HAGH: variants seen among roughly 807,000 people sequenced by gnomAD.
The protein encoded by HAGH is hydroxyacylglutathione hydrolase, mitochondrial.
In HAGH, 29 loss-of-function variants were observed where a neutral mutation model predicts 35.1. The observed-to-expected ratio is 0.83, with a 90% CI of 0.62 to 1.13. The LOEUF (loss-of-function observed/expected upper bound fraction) is 1.13. HAGH is among the 50% of genes most tolerant of loss of function. The probability of loss-of-function intolerance (pLI) is 0.00; values close to 1 mark genes in which losing one functional copy is unlikely to be tolerated. For synonymous variants in HAGH, 225 were observed against 176.1 expected (o/e 1.28, Z -2.20); for missense variants, 478 against 419.6 (o/e 1.14, Z -1.22).
Position 1,817,080 on chromosome 16 carries a change from G to A in HAGH, c.646-86C>T, listed in dbSNP as rs990242214. On this transcript the variant is annotated intron_variant, in intron 6 of 8. Coordinates refer to ENST00000397356, the MANE Select transcript of HAGH (RefSeq NM_005326.6). ...GACGGGACCTGGATGCCCCCGGGGG[G>A]TGTCCGGTGAGAGGGTGCCAGGAGG... The A allele has an allele frequency of 1.3e-5, 17 of 1,328,964 alleles. No homozygotes were observed. In the South Asian group the frequency reaches 1.5e-4, roughly 12 times the overall value. 82.3% of individuals were successfully genotyped at this position (1,328,964 alleles called of 1,614,324 possible).
At chr16:1,810,154 C>T (rs944375746) in intron 7 of HAGH, 6 of 224,492 alleles carry the variant, frequency 2.7e-5, no homozygotes, top group Admixed American at 1.5e-4. Flanking sequence ...AGCGACATCA[C>T]GTCTCAAAAA....
At chr16:1,826,374 C>A (rs1056232835) in intron 1 of HAGH, 2 of 188,488 alleles carry the variant, frequency 1.1e-5, no homozygotes, top group African/African-American at 2.4e-5. Flanking sequence ...CTGCCCGCTG[C>A]GCCTCAGAGC....
At position 1,816,881 on chromosome 16, in the gene HAGH, G is replaced by T. The variant is rs202245131; in HGVS notation, c.747+12C>A. On this transcript the variant is annotated intron_variant, in intron 7 of 8. Transcript: ENST00000397356. ...CCACAGGAAGGCACTGCGCAGTGACGGCCCCACTCACCTTGGCCCAGGCCA... is the reference window on the plus strand; with the variant it reads ...CCACAGGAAGGCACTGCGCAGTGACTGCCCCACTCACCTTGGCCCAGGCCA... 1 of 1,571,734 alleles carries T rather than the reference G, an allele frequency of 6.4e-7. No individual in the cohort carries two copies. The highest frequency in any genetic ancestry group is 2.2e-5 in the East Asian group (1 of 44,644).
At chr16:1,822,048 A>C (rs1567261812) in intron 3 of HAGH, 1 of 501,810 alleles carries the variant, frequency 2.0e-6, no homozygotes, top group Non-Finnish European at 3.6e-6. Context: ...GGCCCAGGAG[A>C]GAGCCGGGGG....
chr16:1,819,929 T>C lies in HAGH; in HGVS notation c.400A>G (p.Thr134Ala). The C allele has an allele frequency of 1.2e-6, 2 of 1,612,168 alleles. No homozygotes were observed. Among genetic ancestry groups the C allele is most frequent in the Non-Finnish European group, 1.7e-6 (2 of 1,178,586 alleles). ...YGGDDRIGAL[T>A]HKITHLSTLQ... ...GTGGACAGGTGAGTGATCTTGTGAG[T>C]CAGGGCCCCGATACGGTCGTCACCC... is the stretch of plus-strand genomic sequence containing the variant. The change falls in exon 4 of 9, where the codon ACT becomes GCT. Residue 134 changes from threonine (T) to alanine (A), a missense_variant. Physicochemically the swap from Thr to Ala is moderately conservative, Grantham distance 58 (BLOSUM62 0). Coordinates refer to ENST00000397356, the MANE Select transcript of HAGH (RefSeq NM_005326.6).
chr16:1,817,177 G>C lies in HAGH; in HGVS notation c.636C>G (p.Pro212=), dbSNP rs200712819. 3.1e-6 allele frequency: 5 copies of C among 1,606,590 alleles called. No homozygotes were observed. Among genetic ancestry groups the C allele is most frequent in the Non-Finnish European group, 3.4e-6 (4 of 1,173,284 alleles). ...KALLEVLGRL[P]PDTRVYCGHE... is the part of the protein sequence containing the mutation. Reference sequence around the variant, plus strand: ...GGGAGGCGCTGCCTACTGTGTCCGGGGGGAGCCGGCCCAAGACCTCCAGCA... The same window carrying C: ...GGGAGGCGCTGCCTACTGTGTCCGGCGGGAGCCGGCCCAAGACCTCCAGCA... The change falls in exon 6 of 9, where the codon CCC becomes CCG. Residue 212 remains proline, a synonymous_variant. Transcript: ENST00000397356.
chr16:1,815,738 G>A (rs898643796), intron 7 of HAGH, among the ~76,000 whole-genome samples: 3 of 152,110 alleles, frequency 2.0e-5, no homozygotes, highest in Non-Finnish European at 2.9e-5. Context: ...AGACACACGG[G>A]CCAGGTGACG....
rs1897554705 is a variant in HAGH at position 1,809,763 on chromosome 16, A to G, written c.818T>C (p.Met273Thr). 5.0e-6 allele frequency: 8 copies of G among 1,611,828 alleles called. No homozygotes were observed. Among genetic ancestry groups the G allele is most frequent in the Non-Finnish European group, 6.8e-6 (8 of 1,178,050 alleles). Residue 273 changes from methionine (M) to threonine (T), a missense_variant, in exon 8 of 9, where the codon ATG becomes ACG. By Grantham distance (81) the Met-to-Thr change is moderately conservative. Transcript: ENST00000397356. Reference protein sequence around the residue: ...LAEEFTYNPFMRVREKTVQQH... With the variant: ...LAEEFTYNPFTRVREKTVQQH... ...CTGCCCTGGGCCTCACCTCACTCTC[A>G]TGAAGGGGTTGTAGGTAAACTCCTC...
chr16:1,826,318 T>C (rs1423154489), intron 1 of HAGH, among the ~76,000 whole-genome samples: 8 of 150,542 alleles, frequency 5.3e-5, no homozygotes, highest in Non-Finnish European at 1.2e-4. Flanking sequence ...ACCGCGGTCC[T>C]TGCAGCGGGG....
intron 7 of HAGH, among the ~76,000 whole-genome samples, chr16:1,816,672 A>C (rs1361635168): frequency 6.6e-6 from 1 of 152,184 alleles, no homozygotes; most frequent in African/African-American, 2.4e-5. Context: ...CGCTTTTTAC[A>C]CACGCAGCGT....
intron 4 of HAGH, 97 bp from the exon 5 acceptor site, chr16:1,819,320 A>G: frequency 5.6e-6 from 4 of 710,280 alleles, no homozygotes; most frequent in South Asian, 3.6e-5. Flanking sequence ...GGGCCTCCTC[A>G]GCTCTGAGGG....
At chr16:1,821,157 G>T (rs1488616044) in intron 3 of HAGH, among the ~76,000 whole-genome samples, 1 of 152,168 alleles carries the variant, frequency 6.6e-6, no homozygotes, top group Non-Finnish European at 1.5e-5. Context: ...ACAAGGGCCA[G>T]GGAGGCTGCA....
chr16:1,815,669 G>A lies in HAGH; in HGVS notation c.747+1224C>T, dbSNP rs549578561. ...AGTTCCACATCTGGACTGTGGAGGG[G>A]ATTACACAAGTGCAAACATCATCAA... On this transcript the variant is annotated intron_variant, in intron 7 of 8. Transcript: ENST00000397356. 1.4e-4 allele frequency among the ~76,000 whole-genome samples: 22 copies of A among 152,294 alleles called. No homozygotes were observed. In the South Asian group the frequency reaches 4.6e-3, roughly 32 times the overall value.
At chr16:1,809,470 T>G (rs773848674) in intron 8 of HAGH, 88 bp from the exon 9 acceptor site, 1 of 1,079,166 alleles carries the variant, frequency 9.3e-7, no homozygotes, top group Non-Finnish European at 1.4e-6. Context: ...CGACTCGTGC[T>G]GGCCGAGCCC....
At chr16:1,809,868 T>G (rs780803427) in intron 7 of HAGH, 35 bp from the exon 8 acceptor site, 2 of 1,528,646 alleles carry the variant, frequency 1.3e-6, no homozygotes, top group East Asian at 2.2e-5. Flanking sequence ...TCACGGGAAC[T>G]TCACAGGATG....
chr16:1,810,032 G>A (rs904120179), intron 7 of HAGH, 199 bp from the exon 8 acceptor site: 1 of 579,020 alleles, frequency 1.7e-6, no homozygotes, highest in Admixed American at 2.9e-5. Context: ...AGGCATGGTG[G>A]CAGGCACCTG....
intron 7 of HAGH, 81 bp from the exon 8 acceptor site, chr16:1,809,914 A>T: frequency 8.6e-6 from 9 of 1,047,072 alleles, no homozygotes; most frequent in Non-Finnish European, 1.2e-5. Context: ...CTGTGATACC[A>T]GCACTTTGGG....
intron 2 of HAGH, 58 bp from the exon 3 acceptor site, chr16:1,822,422 G>A: frequency 1.1e-5 from 14 of 1,316,376 alleles, no homozygotes; most frequent in Non-Finnish European, 1.3e-5. Context: ...TGGCTTGCTG[G>A]CCTATATGGT....
intron 5 of HAGH, 120 bp from the exon 6 acceptor site, chr16:1,817,391 C>G (rs1043180165): frequency 5.7e-6 from 4 of 705,188 alleles, no homozygotes; most frequent in Non-Finnish European, 1.0e-5. Flanking sequence ...CCTGGCTGCC[C>G]TCCGGCCACG....
Sources: allele counts gnomAD v4.1 joint callset (sites outside exome capture counted in the v4.1 genomes callset), GRCh38; gene constraint gnomAD v4.1.1; transcripts MANE v1.5; gene names NCBI Gene and HGNC (gene_info 2026-07-23, HGNC 2026-07-21).